SST: variants seen among roughly 807,000 people sequenced by gnomAD.
The protein encoded by SST is somatostatin, also known as growth hormone release-inhibiting factor.
Under a neutral mutation model 10.4 loss-of-function variants are expected in SST, and 7 were observed. The ratio of observed to expected loss-of-function variants is 0.67; its 90% CI spans 0.38 to 1.26. The LOEUF is 1.26. SST is among the 50% of genes most tolerant of loss of function. The pLI, the probability that SST is intolerant of heterozygous loss-of-function variation, is 0.02. For missense variants in SST, 145 were observed against 140.8 expected (o/e 1.03, Z -0.15); for synonymous variants, 63 against 63.9 (o/e 0.99, Z 0.07).
chr3:187,669,357 A>G, intron 1 of SST, 80 bp from the exon 2 acceptor site: 1 of 1,395,494 alleles, frequency 7.2e-7, no homozygotes, highest in African/African-American at 1.4e-5. Flanking sequence ...AGCCTAAATT[A>G]AAGAACAGAT....
Position 187,670,274 on chromosome 3 carries a change from G to A in SST, c.18C>T (p.Leu6=). The A allele has an allele frequency of 1.9e-6, 3 of 1,589,448 alleles. No individual in the cohort carries two copies. The highest frequency in any genetic ancestry group is 1.3e-5 in the African/African-American group (1 of 74,674). The change falls in exon 1 of 2, where the codon CTC becomes CTT. Residue 6 remains leucine (L), a synonymous_variant. Transcript: ENST00000287641. MLSCR[L]QCALAALSIV... is the part of the protein sequence containing the mutation. ...TGGACAGCGCAGCCAGCGCGCACTG[G>A]AGGCGGCAGGACAGCATCTCGGCGC... is the stretch of plus-strand genomic sequence containing the variant.
In SST at chr3:187,670,333, C is replaced by T; in HGVS notation, c.-42G>A. 6.5e-7 allele frequency: 1 copy of T among 1,542,300 alleles called. No homozygotes were observed. The highest frequency in any genetic ancestry group is 1.2e-5 in the South Asian group (1 of 83,774). ...CCGAGCTGGAGAGTGGCTGGTCAAA[C>T]TCTAGGCGCGGATCAGCAGGCAGCA... On this transcript the variant is annotated 5_prime_UTR_variant, in exon 1 of 2. Coordinates refer to ENST00000287641, the MANE Select transcript of SST (RefSeq NM_001048.4).
At chr3:187,669,335 A>C in intron 1 of SST, 58 bp from the exon 2 acceptor site, 1 of 1,521,974 alleles carries the variant, frequency 6.6e-7, no homozygotes, top group Non-Finnish European at 9.0e-7. Context: ...GGACAATGGA[A>C]AAAATTTGAA....
At position 187,670,287 on chromosome 3, in the gene SST, A is replaced by T. The variant is rs894487373; in HGVS notation, c.5T>A (p.Leu2Gln). Reference protein sequence around the residue: MLSCRLQCALAA... With the variant: MQSCRLQCALAA... ...CAGCGCGCACTGGAGGCGGCAGGACAGCATCTCGGCGCCGCGAAAGCCGAG... is the reference window on the plus strand; with the variant it reads ...CAGCGCGCACTGGAGGCGGCAGGACTGCATCTCGGCGCCGCGAAAGCCGAG... Residue 2 changes from leucine (L) to glutamine (Q), a missense_variant, in exon 1 of 2, where the codon CTG becomes CAG. Leu to Gln is a moderately radical substitution (Grantham distance 113). Coordinates refer to ENST00000287641, the MANE Select transcript of SST (RefSeq NM_001048.4). 2 of 1,582,810 alleles carry T rather than the reference A, an allele frequency of 1.3e-6. No homozygotes were observed. The highest frequency in any genetic ancestry group is 1.7e-6 in the Non-Finnish European group (2 of 1,164,214).
chr3:187,669,920 A>G (rs993269185), intron 1 of SST, among the ~76,000 whole-genome samples: 7 of 152,144 alleles, frequency 4.6e-5, no homozygotes, highest in Admixed American at 2.0e-4. Flanking sequence ...CTTGAATGCC[A>G]AGTAAGAACT....
rs1438978170 is a variant in SST at position 187,670,384 on chromosome 3, A to G, written c.-93T>C. 1 of 1,434,654 alleles carries G rather than the reference A, an allele frequency of 7.0e-7. No homozygotes were observed. Among genetic ancestry groups the G allele is most frequent in the Non-Finnish European group, 9.3e-7 (1 of 1,071,706 alleles). The allele number at this position is 1,434,654 out of a possible 1,614,324, so 88.9% of individuals were successfully genotyped here. A position where few individuals can be genotyped will look rare whatever the true frequency, so the allele number is the denominator to read the frequency against. Reference sequence around the variant, plus strand: ...GCGATGGCTCCGAACCTCGCTCCTAAAGCGGCTTGTGTGCTCTCAACCGTC... The same window carrying G: ...GCGATGGCTCCGAACCTCGCTCCTAGAGCGGCTTGTGTGCTCTCAACCGTC... On this transcript the variant is annotated 5_prime_UTR_variant, in exon 1 of 2. Transcript: ENST00000287641.
chr3:187,668,966 T>C lies in SST; in HGVS notation c.*99A>G, dbSNP rs1560127715. 2 of 1,096,410 alleles carry C rather than the reference T, an allele frequency of 1.8e-6. No homozygotes were observed. Among genetic ancestry groups the C allele is most frequent in the Middle Eastern group, 2.2e-4 (1 of 4,490 alleles). 67.9% of individuals were successfully genotyped at this position (1,096,410 alleles called of 1,614,324 possible). A position where few individuals can be genotyped will look rare whatever the true frequency, so the allele number is the denominator to read the frequency against. The stretch of plus-strand genomic sequence containing the variant: ...TGTATTTACAGTTTTCAGTTTCTAA[T>C]GCAAGGGTCTCGCTGAAGACTTGGA... On this transcript the variant is annotated 3_prime_UTR_variant, in exon 2 of 2. Coordinates refer to ENST00000287641, the MANE Select transcript of SST (RefSeq NM_001048.4).
In SST at chr3:187,670,119, G is replaced by A. The variant is rs1490118027; in HGVS notation, c.138+35C>T. The A allele has an allele frequency of 1.9e-6, 3 of 1,565,856 alleles. No individual in the cohort carries two copies. The African/African-American group carries it at 4.1e-5, about 21-fold the overall frequency. On this transcript the variant is annotated intron_variant, in intron 1 of 1. Transcript: ENST00000287641. Reference sequence around the variant, plus strand: ...GCAGGAGCAAGGCTTAGGGAGGGCTGGAGAATCCGGGAGACGTCGAGGGAG... The same window carrying A: ...GCAGGAGCAAGGCTTAGGGAGGGCTAGAGAATCCGGGAGACGTCGAGGGAG...
In SST at chr3:187,670,201, G is replaced by A; in HGVS notation, c.91C>T (p.Leu31Phe). Reference protein sequence around the residue: ...CVTGAPSDPRLRQFLQKSLAA... With the variant: ...CVTGAPSDPRFRQFLQKSLAA... Reference sequence around the variant, plus strand: ...AGGGACTTCTGCAGAAACTGACGGAGTCTGGGGTCCGAGGGAGCGCCGGTG... The same window carrying A: ...AGGGACTTCTGCAGAAACTGACGGAATCTGGGGTCCGAGGGAGCGCCGGTG... The change falls in exon 1 of 2, where the codon CTC (leucine) becomes TTC (phenylalanine). Residue 31 changes from leucine (L) to phenylalanine (F), a missense_variant. By Grantham distance (22) the Leu-to-Phe change is conservative. Transcript: ENST00000287641. 1 of 1,595,686 alleles carries A rather than the reference G, an allele frequency of 6.3e-7. No individual in the cohort carries two copies. Among genetic ancestry groups the A allele is most frequent in the Non-Finnish European group, 8.5e-7 (1 of 1,171,280 alleles).
intron 1 of SST, 148 bp from the exon 2 acceptor site, chr3:187,669,425 C>A: frequency 4.2e-6 from 3 of 711,162 alleles, no homozygotes; most frequent in Non-Finnish European, 2.3e-6. Flanking sequence ...CATTTAAAAT[C>A]AATCAAGGAT....
rs1717172394 is a variant in SST at position 187,668,925 on chromosome 3, C to T, written c.*140G>A. On this transcript the variant is annotated 3_prime_UTR_variant, in exon 2 of 2. Transcript: ENST00000287641. Reference sequence around the variant, plus strand: ...ACCAAATTCACATTTTTCATAATTTCACCATAATTTTATTTTGTATTTACA... The same window carrying T: ...ACCAAATTCACATTTTTCATAATTTTACCATAATTTTATTTTGTATTTACA... 5 of 782,536 alleles carry T rather than the reference C, an allele frequency of 6.4e-6. No individual in the cohort carries two copies. The South Asian group carries it at 6.9e-5, about 11-fold the overall frequency. The allele number at this position is 782,536 out of a possible 1,614,324, so 48.5% of individuals were successfully genotyped here.
At position 187,670,149 on chromosome 3, in the gene SST, C is replaced by T; in HGVS notation, c.138+5G>A. On this transcript the variant is annotated splice_donor_5th_base_variant and intron_variant, in intron 1 of 1. Coordinates refer to ENST00000287641, the MANE Select transcript of SST (RefSeq NM_001048.4). Reference sequence around the variant, plus strand: ...ATCCGGGAGACGTCGAGGGAGTCTCCTTACCTGCTTCCCCGCGGCAGCAGC... The same window carrying T: ...ATCCGGGAGACGTCGAGGGAGTCTCTTTACCTGCTTCCCCGCGGCAGCAGC... 1.9e-6 allele frequency: 3 copies of T among 1,583,690 alleles called. No individual in the cohort carries two copies. The highest frequency in any genetic ancestry group is 2.6e-6 in the Non-Finnish European group (3 of 1,165,030).
At position 187,670,293 on chromosome 3, in the gene SST, T is replaced by TCGGCGC; in HGVS notation, c.-8_-3dup. ...GCACTGGAGGCGGCAGGACAGCATCTCGGCGCCGCGAAAGCCGAGCTGGAG... is the reference window on the plus strand; with the variant it reads ...GCACTGGAGGCGGCAGGACAGCATCTCGGCGCCGGCGCCGCGAAAGCCGAGCTGGAG... On this transcript the variant is annotated 5_prime_UTR_variant, in exon 1 of 2. Coordinates refer to ENST00000287641, the MANE Select transcript of SST (RefSeq NM_001048.4). The TCGGCGC allele has an allele frequency of 1.9e-6, 3 of 1,578,134 alleles. No homozygotes were observed. Among genetic ancestry groups the TCGGCGC allele is most frequent in the Non-Finnish European group, 2.6e-6 (3 of 1,161,616 alleles).
chr3:187,669,318 G>A, intron 1 of SST, 41 bp from the exon 2 acceptor site: 1 of 1,589,684 alleles, frequency 6.3e-7, no homozygotes, highest in South Asian at 1.1e-5. Flanking sequence ...AGAAAGAGAA[G>A]TGGGGAGGAC....
In SST at chr3:187,670,164, G is replaced by A. The variant is rs1413312311; in HGVS notation, c.128C>T (p.Ala43Val). Residue 43 changes from alanine to valine, a missense_variant, in exon 1 of 2, where the codon GCG becomes GTG. Coordinates refer to ENST00000287641, the MANE Select transcript of SST (RefSeq NM_001048.4). ...QFLQKSLAAA[A>V]GKQELAKYFL... Reference sequence around the variant, plus strand: ...AGGGAGTCTCCTTACCTGCTTCCCCGCGGCAGCAGCCAGGGACTTCTGCAG... The same window carrying A: ...AGGGAGTCTCCTTACCTGCTTCCCCACGGCAGCAGCCAGGGACTTCTGCAG... 4 of 1,588,948 alleles carry A rather than the reference G, an allele frequency of 2.5e-6. No homozygotes were observed. The highest frequency in any genetic ancestry group is 2.3e-5 in the South Asian group (2 of 86,920).
chr3:187,669,575 C>A (rs1717190394), intron 1 of SST, among the ~76,000 whole-genome samples: 2 of 151,772 alleles, frequency 1.3e-5, no homozygotes, highest in Non-Finnish European at 2.9e-5. Flanking sequence ...CACACACACA[C>A]ACACACACAC....
rs1169388532 is a variant in SST at position 187,670,284 on chromosome 3, G to A, written c.8C>T (p.Ser3Phe). 1.3e-6 allele frequency: 2 copies of A among 1,585,632 alleles called. No individual in the cohort carries two copies. Among genetic ancestry groups the A allele is most frequent in the Non-Finnish European group, 1.7e-6 (2 of 1,165,722 alleles). The change falls in exon 1 of 2, where the codon TCC becomes TTC. Residue 3 changes from serine to phenylalanine, a missense_variant. Physicochemically the swap from Ser to Phe is radical, Grantham distance 155 (BLOSUM62 -2). Transcript: ENST00000287641. ...AGCCAGCGCGCACTGGAGGCGGCAGGACAGCATCTCGGCGCCGCGAAAGCC... is the reference window on the plus strand; with the variant it reads ...AGCCAGCGCGCACTGGAGGCGGCAGAACAGCATCTCGGCGCCGCGAAAGCC... ML[S>F]CRLQCALAAL...
At chr3:187,670,058 G>A in intron 1 of SST, 96 bp downstream of exon 1, 5 of 1,353,330 alleles carry the variant, frequency 3.7e-6, no homozygotes, top group Non-Finnish European at 5.0e-6. Flanking sequence ...AAACTCTTTA[G>A]AAGGACTGAG....
At position 187,670,126 on chromosome 3, in the gene SST, C is replaced by T. The variant is rs1267422455; in HGVS notation, c.138+28G>A. 6 of 1,570,352 alleles carry T rather than the reference C, an allele frequency of 3.8e-6. No individual in the cohort carries two copies. In the Admixed American group the frequency reaches 7.5e-5, roughly 20 times the overall value. On this transcript the variant is annotated intron_variant, in intron 1 of 1. Coordinates refer to ENST00000287641, the MANE Select transcript of SST (RefSeq NM_001048.4). ...CAAGGCTTAGGGAGGGCTGGAGAAT[C>T]CGGGAGACGTCGAGGGAGTCTCCTT...
Sources: gnomAD v4.1 joint callset for allele counts (sites outside exome capture counted in the v4.1 genomes callset) on GRCh38, gnomAD v4.1.1 for gene constraint, MANE v1.5 for transcripts, NCBI Gene and HGNC (gene_info 2026-07-23, HGNC 2026-07-21) for gene names.